Variants in SPEF2 observed in about 807,000 individuals in gnomAD.
SPEF2 encodes sperm flagellar and cilia associated 2, also known as sperm flagella and cilia-associated protein 2.
In SPEF2, 187 loss-of-function variants were observed where a neutral mutation model predicts 224.6. The ratio of observed to expected loss-of-function variants is 0.83; its 90% CI spans 0.74 to 0.94. SPEF2 has a LOEUF of 0.94. Ranked by LOEUF, SPEF2 falls within the 40% of genes least tolerant of loss-of-function variation. SPEF2 has a pLI of 0.00. For synonymous variants in SPEF2, 715 were observed against 707.3 expected, an observed-to-expected ratio of 1.01 and a Z score of -0.17; for missense variants, 2,170 against 2,135.6, an observed-to-expected ratio of 1.02 and a Z score of -0.32.
At chr5:35,723,024 G>A (rs992034952) in intron 20 of SPEF2, among the ~76,000 whole-genome samples, 6 of 152,076 alleles carry the variant, frequency 3.9e-5, no homozygotes, top group Non-Finnish European at 8.8e-5. Context: ...GGGTTAAAAC[G>A]GAAAAAAGAG....
intron 32 of SPEF2, among the ~76,000 whole-genome samples, chr5:35,795,078 G>A (rs886881902): frequency 1.3e-4 from 20 of 151,992 alleles, no homozygotes; most frequent in South Asian, 4.2e-4. Flanking sequence ...AAGATTTGTC[G>A]AAAACGCCCC....
At chr5:35,768,035 G>T (rs1220206069) in intron 26 of SPEF2, among the ~76,000 whole-genome samples, 1 of 151,838 alleles carries the variant, frequency 6.6e-6, no homozygotes, top group Non-Finnish European at 1.5e-5. Flanking sequence ...CTAGGTGGTT[G>T]TTGTTATTGT....
At chr5:35,772,373 T>A (rs1366358949) in intron 27 of SPEF2, among the ~76,000 whole-genome samples, 1 of 152,138 alleles carries the variant, frequency 6.6e-6, no homozygotes, top group Non-Finnish European at 1.5e-5. Context: ...TGTGAAATGC[T>A]CTAGATGGAT....
At chr5:35,789,076 A>G (rs1367031756) in intron 30 of SPEF2, 2 of 682,154 alleles carry the variant, frequency 2.9e-6, no homozygotes, top group South Asian at 3.1e-5. Context: ...TTTCAGAATC[A>G]CAGAAAATAC....
intron 34 of SPEF2, among the ~76,000 whole-genome samples, chr5:35,806,484 C>T (rs1269137705): frequency 6.6e-6 from 1 of 152,228 alleles, no homozygotes; most frequent in African/African-American, 2.4e-5. Flanking sequence ...ACACACCCCA[C>T]ACTATACAAG....
intron 33 of SPEF2, among the ~76,000 whole-genome samples, chr5:35,799,548 T>C (rs1263728705): frequency 2.0e-5 from 3 of 152,120 alleles, no homozygotes; most frequent in Non-Finnish European, 4.4e-5. Context: ...TTAGGCATCA[T>C]TTTCTTTCCC....
At chr5:35,627,205 T>A (rs1744381625) in intron 1 of SPEF2, among the ~76,000 whole-genome samples, 1 of 152,062 alleles carries the variant, frequency 6.6e-6, no homozygotes, top group Admixed American at 6.6e-5. Context: ...ATATAATCCT[T>A]AAATATCATG....
chr5:35,781,288 T>C (rs1366259717), intron 30 of SPEF2: 1 of 152,142 alleles, frequency 6.6e-6, no homozygotes, highest in East Asian at 1.9e-4. Context: ...ACAGTATGAA[T>C]GTTATTCAAG....
chr5:35,732,975 A>G (rs1472858557), intron 21 of SPEF2, among the ~76,000 whole-genome samples: 1 of 152,226 alleles, frequency 6.6e-6, no homozygotes, highest in Non-Finnish European at 1.5e-5. Flanking sequence ...GAATGTATGC[A>G]TAGGAAAAAA....
Position 35,617,910 on chromosome 5 carries a change from C to A in SPEF2, c.-88C>A. The stretch of plus-strand genomic sequence containing the variant: ...ATACGCTTCCATAGCAAAGGGTTGC[C>A]CTTGGCTACAGGAGGACGCGGGCTG... On this transcript the variant is annotated 5_prime_UTR_variant, in exon 1 of 37. Transcript: ENST00000356031. 7.5e-7 allele frequency: 1 copy of A among 1,326,176 alleles called. No homozygotes were observed. Among genetic ancestry groups the A allele is most frequent in the Non-Finnish European group, 1.1e-6 (1 of 941,302 alleles). The allele number at this position is 1,326,176 out of a possible 1,614,324, so 82.2% of individuals were successfully genotyped here. A position where few individuals can be genotyped will look rare whatever the true frequency, so the allele number is the denominator to read the frequency against.
At position 35,667,108 on chromosome 5, in the gene SPEF2, C is replaced by G. The variant is rs745998498; in HGVS notation, c.1204C>G (p.Gln402Glu). ...AKQAKIDFEE[Q>E]FLKEKRFHDQ... ...ACAAGCCAAGATTGACTTTGAAGAA[C>G]AATTCCTTAAAGAAAAGAGATTTCA... The change falls in exon 9 of 37, where the codon CAA becomes GAA. Residue 402 changes from glutamine (Q) to glutamate (E), a missense_variant. By Grantham distance (29) the Gln-to-Glu change is conservative (BLOSUM62 2). Coordinates refer to ENST00000356031, the MANE Select transcript of SPEF2 (RefSeq NM_024867.4). 1.9e-6 allele frequency: 3 copies of G among 1,608,802 alleles called. No homozygotes were observed. Among genetic ancestry groups the G allele is most frequent in the African/African-American group, 1.3e-5 (1 of 74,742 alleles).
chr5:35,750,681 A>G (rs1749270723), intron 23 of SPEF2, among the ~76,000 whole-genome samples: 1 of 152,086 alleles, frequency 6.6e-6, no homozygotes. Flanking sequence ...CATAATGAAA[A>G]AAACCAAAAA....
At chr5:35,693,487 A>C (rs977651804) in intron 12 of SPEF2, among the ~76,000 whole-genome samples, 2 of 152,114 alleles carry the variant, frequency 1.3e-5, no homozygotes, top group Non-Finnish European at 2.9e-5. Flanking sequence ...TCAATATTGC[A>C]TCTCTTTTCA....
chr5:35,760,743 A>G (rs1048461684), intron 25 of SPEF2, among the ~76,000 whole-genome samples: 1 of 152,202 alleles, frequency 6.6e-6, no homozygotes, highest in African/African-American at 2.4e-5. Context: ...AATTCTGAAC[A>G]GATAGAAAAA....
intron 20 of SPEF2, among the ~76,000 whole-genome samples, chr5:35,714,522 AT>A (rs912888504): frequency 1.3e-5 from 2 of 151,062 alleles, no homozygotes; most frequent in East Asian, 1.9e-4. Flanking sequence ...ATTTTTATTG[AT>A]TTTTTTTATT....
chr5:35,721,414 T>G (rs116694388), intron 20 of SPEF2, among the ~76,000 whole-genome samples: 2,736 of 152,314 alleles, frequency 0.018, 99 homozygotes, highest in African/African-American at 0.063. Context: ...GTGGGCTAAG[T>G]GTAGCCAAGG....
intron 15 of SPEF2, chr5:35,700,264 T>C (rs1352107573): frequency 1.8e-6 from 1 of 540,552 alleles, no homozygotes; most frequent in African/African-American, 1.9e-5. Context: ...AATTTTAATG[T>C]GTTAAAGCCT....
chr5:35,789,165 G>T (rs1162948706), intron 30 of SPEF2: 1 of 702,990 alleles, frequency 1.4e-6, no homozygotes, highest in Admixed American at 2.0e-5. Context: ...CAGGCAGGCA[G>T]AGGCAAAAGT....
intron 2 of SPEF2, 132 bp from the exon 3 acceptor site, chr5:35,641,299 T>C: frequency 2.8e-6 from 3 of 1,059,170 alleles, no homozygotes; most frequent in South Asian, 3.5e-5. Context: ...AGAGTGGTTT[T>C]AGAGAGGAAT....
Sources: allele counts gnomAD v4.1 joint callset (sites outside exome capture counted in the v4.1 genomes callset), GRCh38; gene constraint gnomAD v4.1.1; transcripts MANE v1.5; gene names NCBI Gene and HGNC (gene_info 2026-07-23, HGNC 2026-07-21).